The following PCDHGA3 variants were observed in gnomAD, a reference collection of about 807,000 sequenced individuals.
The protein encoded by PCDHGA3 is protocadherin gamma subfamily A, 3.
Under a neutral mutation model 58.5 loss-of-function variants are expected in PCDHGA3, and 40 were observed. That is an observed-to-expected ratio of 0.68 (90% CI 0.53 to 0.89). PCDHGA3 has a LOEUF of 0.89. PCDHGA3 is among the 40% of genes least tolerant of loss of function. The pLI is 0.00. For missense variants in PCDHGA3, 1,223 were observed against 1,195.9 expected, an observed-to-expected ratio of 1.02 and a Z score of -0.33; for synonymous variants, 530 against 525.7, an observed-to-expected ratio of 1.01 and a Z score of -0.11.
At chr5:141,422,296 A>T (rs200545713) in intron 1 of PCDHGA3, 6 of 1,550,706 alleles carry the variant, frequency 3.9e-6, no homozygotes, top group Non-Finnish European at 4.3e-6. Context: ...TATTAATTCA[A>T]TTCTGGAAAA....
Position 141,487,413 on chromosome 5 carries a change from A to G in PCDHGA3, c.2425-7394A>G, listed in dbSNP as rs1562119204. The G allele has an allele frequency of 1.2e-6, 2 of 1,614,172 alleles. No homozygotes were observed. The highest frequency in any genetic ancestry group is 2.2e-5 in the East Asian group (1 of 44,862). ...AGGAGGGAGGGGCTTCCCCCTTCCA[A>G]TGGGATCCTCCGAATCCAGCTAGGG... On this transcript the variant is annotated intron_variant, in intron 1 of 3. Coordinates refer to ENST00000253812, the MANE Select transcript of PCDHGA3 (RefSeq NM_018916.4). This position sits in a 1 kb window ranked among gnomAD's most constrained non-coding sequence, Gnocchi z 5.0.
intron 1 of PCDHGA3, chr5:141,375,823 C>A (rs1771937674): frequency 6.2e-7 from 1 of 1,614,098 alleles, no homozygotes; most frequent in African/African-American, 1.3e-5. Context: ...TGGCGCCCCG[C>A]TCCGCAGAGC....
At chr5:141,364,875 T>C (rs909012191) in intron 1 of PCDHGA3, 1 of 1,613,818 alleles carries the variant, frequency 6.2e-7, no homozygotes, top group Non-Finnish European at 8.5e-7. Flanking sequence ...TCTCTGGATG[T>C]GGTAAGCGGA....
intron 2 of PCDHGA3, among the ~76,000 whole-genome samples, chr5:141,500,469 A>G (rs917974103): frequency 1.3e-5 from 2 of 152,052 alleles, no homozygotes; most frequent in East Asian, 1.9e-4. Context: ...TCGGCCTCCC[A>G]AAGTGCTGGG....
At position 141,491,894 on chromosome 5, in the gene PCDHGA3, C is replaced by T. The variant is rs1209251388; in HGVS notation, c.2425-2913C>T. The T allele has an allele frequency of 1.5e-5, 22 of 1,434,752 alleles. No individual in the cohort carries two copies. Among genetic ancestry groups the T allele is most frequent in the Admixed American group, 2.9e-5 (1 of 34,278 alleles). 88.9% of individuals were successfully genotyped at this position (1,434,752 alleles called of 1,614,324 possible). The stretch of plus-strand genomic sequence containing the variant: ...GCCGATTAAGGGATGGGGCTCCGAG[C>T]ACCGGGGGTGGTGGCGACTGTGGGC... On this transcript the variant is annotated intron_variant, in intron 1 of 3. Transcript: ENST00000253812. The surrounding 1 kb of genome is among the most constrained non-coding windows in gnomAD (Gnocchi z 6.9).
chr5:141,350,168 A>T, intron 1 of PCDHGA3: 1 of 1,183,752 alleles, frequency 8.4e-7, no homozygotes, highest in Non-Finnish European at 1.1e-6. Context: ...CCTAACTAAT[A>T]AGTCCTAAGC....
chr5:141,421,997 G>A, intron 1 of PCDHGA3: 1 of 1,609,178 alleles, frequency 6.2e-7, no homozygotes. Flanking sequence ...GAAAACATCA[G>A]CTCCGGAACT....
In PCDHGA3 at chr5:141,395,071, A is replaced by G. The variant is rs767254764; in HGVS notation, c.2424+48614A>G. 27 of 1,614,100 alleles carry G rather than the reference A, an allele frequency of 1.7e-5. No individual in the cohort carries two copies. Among genetic ancestry groups the G allele is most frequent in the East Asian group, 2.2e-5 (1 of 44,880 alleles). The stretch of plus-strand genomic sequence containing the variant: ...GAGGTACAGGCTTTCCTGCAGACCT[A>G]TTCCCAGGAAGTCTCCCTCACCGCC... On this transcript the variant is annotated intron_variant, in intron 1 of 3. Transcript: ENST00000253812.
At chr5:141,421,156 C>T in intron 1 of PCDHGA3, 1 of 1,197,694 alleles carries the variant, frequency 8.3e-7, no homozygotes, top group Non-Finnish European at 1.1e-6. Flanking sequence ...CGGCCTAGGA[C>T]TTCATAGATA....
At chr5:141,413,612 T>C (rs1282180585) in intron 1 of PCDHGA3, 1 of 1,613,696 alleles carries the variant, frequency 6.2e-7, no homozygotes, top group Non-Finnish European at 8.5e-7. Context: ...GACGTAAAAA[T>C]TAATGAAAAT....
rs549455612 is a variant in PCDHGA3 at position 141,415,049 on chromosome 5, A to T, written c.2424+68592A>T. On this transcript the variant is annotated intron_variant, in intron 1 of 3. Transcript: ENST00000253812. Reference sequence around the variant, plus strand: ...GAGCCGGGACTCTTCGCGGTGGGGGAGCACACGGGCGAGGTGCGCACGGCG... The same window carrying T: ...GAGCCGGGACTCTTCGCGGTGGGGGTGCACACGGGCGAGGTGCGCACGGCG... 84 of 1,613,216 alleles carry T rather than the reference A, an allele frequency of 5.2e-5. 1 individual carries two copies. In the Admixed American group the frequency reaches 6.0e-4, roughly 12 times the overall value.
rs374253072 is a variant in PCDHGA3, at chr5:141,476,894, G to A, written c.2425-17913G>A. ...GCGCGTCCTGGAGGATGCACCCTCCGGCACGCGCGTGGTACAAGTCCTTGC... is the reference window on the plus strand; with the variant it reads ...GCGCGTCCTGGAGGATGCACCCTCCAGCACGCGCGTGGTACAAGTCCTTGC... On this transcript the variant is annotated intron_variant, in intron 1 of 3. Transcript: ENST00000253812. The surrounding 1 kb of genome is among the most constrained non-coding windows in gnomAD (Gnocchi z 7.6). 48 of 1,613,834 alleles carry A rather than the reference G, an allele frequency of 3.0e-5. No homozygotes were observed. In the African/African-American group the frequency reaches 5.6e-4, roughly 19 times the overall value.
At position 141,476,193 on chromosome 5, in the gene PCDHGA3, T is replaced by C. The variant is rs1224461188; in HGVS notation, c.2425-18614T>C. On this transcript the variant is annotated intron_variant, in intron 1 of 3. Coordinates refer to ENST00000253812, the MANE Select transcript of PCDHGA3 (RefSeq NM_018916.4). The surrounding 1 kb of genome is among the most constrained non-coding windows in gnomAD (Gnocchi z 7.6). The stretch of plus-strand genomic sequence containing the variant: ...GGAGTTTTGCTTCTGCTTGGTGCCT[T>C]GAACAAGGCTTCCACGGTCATTCAC... The C allele has an allele frequency of 6.2e-7, 1 of 1,613,812 alleles. No homozygotes were observed. Among genetic ancestry groups the C allele is most frequent in the South Asian group, 1.1e-5 (1 of 91,068 alleles).
Position 141,489,492 on chromosome 5 carries a change from G to T in PCDHGA3, c.2425-5315G>T, listed in dbSNP as rs1258376136. On this transcript the variant is annotated intron_variant, in intron 1 of 3. Coordinates refer to ENST00000253812, the MANE Select transcript of PCDHGA3 (RefSeq NM_018916.4). The surrounding 1 kb of genome is among the most constrained non-coding windows in gnomAD (Gnocchi z 4.5). ...CCCTGAGCTTGATGAGTGGTGCCCT[G>T]GCAGTGAATCAAAAGATTGACCGAG... 1 of 1,614,042 alleles carries T rather than the reference G, an allele frequency of 6.2e-7. No individual in the cohort carries two copies. The highest frequency in any genetic ancestry group is 1.1e-5 in the South Asian group (1 of 91,078).
chr5:141,393,500 C>T lies in PCDHGA3; in HGVS notation c.2424+47043C>T, dbSNP rs747121608. 6.2e-6 allele frequency: 10 copies of T among 1,613,922 alleles called. No homozygotes were observed. In the African/African-American group the frequency reaches 6.7e-5, roughly 11 times the overall value. On this transcript the variant is annotated intron_variant, in intron 1 of 3. Coordinates refer to ENST00000253812, the MANE Select transcript of PCDHGA3 (RefSeq NM_018916.4). The stretch of plus-strand genomic sequence containing the variant: ...CTCGCTCTAGCACAGTGCGCATCCA[C>T]GTGACAGTGTTGGATACAAATGACA...
rs1236959966 is a variant in PCDHGA3, at chr5:141,511,984, G to C, written c.*811G>C. On this transcript the variant is annotated 3_prime_UTR_variant, in exon 4 of 4. Transcript: ENST00000253812. ...GGGAAGTGTGTGGATGTGGATGGTGGGGGCATGGACAAAGCTTGACACATC... is the reference window on the plus strand; with the variant it reads ...GGGAAGTGTGTGGATGTGGATGGTGCGGGCATGGACAAAGCTTGACACATC... 1 of 153,294 alleles carries C rather than the reference G, an allele frequency of 6.5e-6. No individual in the cohort carries two copies. Among genetic ancestry groups the C allele is most frequent in the African/African-American group, 2.4e-5 (1 of 41,452 alleles). 9.5% of individuals were successfully genotyped at this position (153,294 alleles called of 1,614,324 possible). A position where few individuals can be genotyped will look rare whatever the true frequency, so the allele number is the denominator to read the frequency against.
At chr5:141,372,155 G>C in intron 1 of PCDHGA3, 1 of 1,613,796 alleles carries the variant, frequency 6.2e-7, no homozygotes, top group Non-Finnish European at 8.5e-7. Flanking sequence ...CTGGCTACCT[G>C]GTGACCAAGG....
Position 141,511,256 on chromosome 5 carries a change from TTCAGGGC to T in PCDHGA3, c.*85_*91del. 6.4e-7 allele frequency: 1 copy of T among 1,563,506 alleles called. No individual in the cohort carries two copies. Among genetic ancestry groups the T allele is most frequent in the Non-Finnish European group, 8.7e-7 (1 of 1,154,422 alleles). The stretch of plus-strand genomic sequence containing the variant: ...CTTACCTGCACCCAGGCCTCAGAGT[TTCAGGGC>T]TAACCCCCAGAATACTGGTAGGGGC... On this transcript the variant is annotated 3_prime_UTR_variant, in exon 4 of 4. Coordinates refer to ENST00000253812, the MANE Select transcript of PCDHGA3 (RefSeq NM_018916.4).
chr5:141,390,534 A>C (rs2092170785), intron 1 of PCDHGA3: 1 of 525,162 alleles, frequency 1.9e-6, no homozygotes, highest in Non-Finnish European at 3.3e-6. Context: ...TGTGGTTTTA[A>C]CCACAAAGTG....
Sources: gnomAD v4.1 joint callset for allele counts (sites outside exome capture counted in the v4.1 genomes callset) on GRCh38, gnomAD v4.1.1 for gene constraint, Gnocchi (gnomAD v3.1) non-coding constraint, MANE v1.5 for transcripts, NCBI Gene and HGNC (gene_info 2026-07-23, HGNC 2026-07-21) for gene names.